Variants in CTNNA2 observed in about 807,000 individuals in gnomAD.
CTNNA2 encodes the protein catenin alpha 2.
A neutral mutation model predicts 101.0 loss-of-function variants in CTNNA2; 42 were observed. The ratio of observed to expected loss-of-function variants is 0.42; its 90% CI spans 0.32 to 0.54. The LOEUF (loss-of-function observed/expected upper bound fraction) is 0.54. Among genes scored for constraint, CTNNA2 ranks in the 20% least tolerant of loss-of-function variants. The pLI is 0.14. For synonymous variants in CTNNA2, 450 were observed against 456.4 expected, an observed-to-expected ratio of 0.99 and a Z score of 0.18; for missense variants, 871 against 1,223.1, an observed-to-expected ratio of 0.71 and a Z score of 4.29.
At chr2:79,250,326 C>T (rs1341645154) in intron 2 of CTNNA2, among the ~76,000 whole-genome samples, 1 of 152,178 alleles carries the variant, frequency 6.6e-6, no homozygotes, top group Non-Finnish European at 1.5e-5. Context: ...TGGGCTCCAG[C>T]ATATTCACAG....
intron 7 of CTNNA2, among the ~76,000 whole-genome samples, chr2:80,067,394 A>T (rs1381858304): frequency 6.6e-6 from 1 of 152,128 alleles, no homozygotes; most frequent in Non-Finnish European, 1.5e-5. Context: ...GAATATAAAC[A>T]TGTTTTATAT....
chr2:80,398,803 G>A (rs542916379), intron 8 of CTNNA2, among the ~76,000 whole-genome samples: 2 of 151,500 alleles, frequency 1.3e-5, no homozygotes, highest in Non-Finnish European at 2.9e-5. Context: ...GGAGGTGGAG[G>A]TTGCAGTGAG....
intron 9 of CTNNA2, among the ~76,000 whole-genome samples, chr2:80,505,165 G>A (rs1688169988): frequency 6.6e-6 from 1 of 152,184 alleles, no homozygotes; most frequent in African/African-American, 2.4e-5. Context: ...ATAAATAAAG[G>A]GAACATCAGG....
intron 7 of CTNNA2, among the ~76,000 whole-genome samples, chr2:80,272,635 A>G (rs1162117990): frequency 6.6e-6 from 1 of 152,180 alleles, no homozygotes; most frequent in Admixed American, 6.5e-5. Context: ...ACAACTCCAT[A>G]TATTTTCACC....
At chr2:80,526,075 G>C (rs1002388289) in intron 9 of CTNNA2, among the ~76,000 whole-genome samples, 1 of 152,180 alleles carries the variant, frequency 6.6e-6, no homozygotes, top group African/African-American at 2.4e-5. Flanking sequence ...AGCAATAAAT[G>C]AGCATCATAT....
chr2:79,277,540 T>A (rs1315394366), intron 2 of CTNNA2, among the ~76,000 whole-genome samples: 1 of 152,092 alleles, frequency 6.6e-6, no homozygotes, highest in Non-Finnish European at 1.5e-5. Context: ...AGACTGACGG[T>A]TCCTACCTTT....
chr2:79,211,923 A>G (rs1010745646), intron 2 of CTNNA2, among the ~76,000 whole-genome samples: 5 of 152,148 alleles, frequency 3.3e-5, no homozygotes, highest in Admixed American at 6.5e-5. Flanking sequence ...GAGAGATTAA[A>G]CTGAAGGAAG....
chr2:80,619,689 T>A (rs1206231094), intron 18 of CTNNA2, among the ~76,000 whole-genome samples: 1 of 151,924 alleles, frequency 6.6e-6, no homozygotes, highest in Non-Finnish European at 1.5e-5. Flanking sequence ...GGATGATACA[T>A]GAGGATTATC....
At chr2:79,855,515 TC>T (rs1681061101) in intron 3 of CTNNA2, among the ~76,000 whole-genome samples, 1 of 152,216 alleles carries the variant, frequency 6.6e-6, no homozygotes, top group Non-Finnish European at 1.5e-5. Flanking sequence ...TGATGTTGGT[TC>T]ATTCCGAATG....
chr2:80,499,324 C>T (rs1687697207), intron 9 of CTNNA2, among the ~76,000 whole-genome samples: 1 of 152,130 alleles, frequency 6.6e-6, no homozygotes, highest in Non-Finnish European at 1.5e-5. Context: ...CTGCAGTGAA[C>T]TTAGTGGATG....
At chr2:79,994,586 T>TGG (rs1558710021) in intron 7 of CTNNA2, among the ~76,000 whole-genome samples, 1 of 146,928 alleles carries the variant, frequency 6.8e-6, no homozygotes, top group Admixed American at 6.8e-5. Flanking sequence ...TTCTGTTTCA[T>TGG]AGGAAAAAAA....
chr2:80,529,595 A>G (rs1486682954), intron 9 of CTNNA2, among the ~76,000 whole-genome samples: 1 of 152,152 alleles, frequency 6.6e-6, no homozygotes, highest in Non-Finnish European at 1.5e-5. Flanking sequence ...TGTTCACACA[A>G]TGAGTATGCT....
chr2:80,372,865 A>G (rs1675579836), intron 7 of CTNNA2, among the ~76,000 whole-genome samples: 1 of 152,178 alleles, frequency 6.6e-6, no homozygotes, highest in Non-Finnish European at 1.5e-5. Context: ...ATGTCTGGAG[A>G]TATTTTAGAT....
intron 2 of CTNNA2, among the ~76,000 whole-genome samples, chr2:79,732,130 T>C (rs757226566): frequency 3.3e-5 from 5 of 152,092 alleles, no homozygotes; most frequent in Non-Finnish European, 7.4e-5. Flanking sequence ...TCAATAATTC[T>C]TTTTAGAGTC....
intron 7 of CTNNA2, among the ~76,000 whole-genome samples, chr2:79,965,113 T>A (rs1022755531): frequency 6.6e-6 from 1 of 152,014 alleles, no homozygotes; most frequent in Non-Finnish European, 1.5e-5. Flanking sequence ...CTCCGAGGAG[T>A]CATTTTCATT....
intron 3 of CTNNA2, among the ~76,000 whole-genome samples, chr2:79,758,836 C>T (rs946725269): frequency 6.6e-6 from 1 of 152,092 alleles, no homozygotes; most frequent in African/African-American, 2.4e-5. Flanking sequence ...TTTCTATATC[C>T]AATCCACTGT....
intron 2 of CTNNA2, among the ~76,000 whole-genome samples, chr2:79,655,842 AAAT>A (rs1196875509): frequency 6.7e-6 from 1 of 149,838 alleles, no homozygotes; most frequent in African/African-American, 2.5e-5. Context: ...AAAAAAAAAA[AAAT>A]GTCTTTTTCA....
chr2:80,557,606 G>A (rs1693158098), intron 12 of CTNNA2, among the ~76,000 whole-genome samples: 1 of 152,124 alleles, frequency 6.6e-6, no homozygotes, highest in Non-Finnish European at 1.5e-5. Flanking sequence ...GACACTTGTG[G>A]CAGATGAAAG....
intron 2 of CTNNA2, among the ~76,000 whole-genome samples, chr2:79,666,454 C>T (rs1321190093): frequency 1.3e-5 from 2 of 152,130 alleles, no homozygotes; most frequent in Non-Finnish European, 2.9e-5. Context: ...TTAGTATTTT[C>T]ATGTGCATTT....
Sources: gnomAD v4.1 joint callset for allele counts (sites outside exome capture counted in the v4.1 genomes callset) on GRCh38, gnomAD v4.1.1 for gene constraint, MANE v1.5 for transcripts, NCBI Gene and HGNC (gene_info 2026-07-23, HGNC 2026-07-21) for gene names.